The following PRR5L variants were observed in gnomAD, a reference collection of about 807,000 sequenced individuals.
PRR5L encodes proline-rich protein 5-like.
In PRR5L, 21 loss-of-function variants were observed where a neutral mutation model predicts 36.4. The ratio of observed to expected loss-of-function variants is 0.58; its 90% confidence interval spans 0.41 to 0.83. PRR5L has a LOEUF of 0.83. PRR5L is among the 40% of genes least tolerant of loss of function. The pLI is 0.00. For missense variants in PRR5L, 381 were observed against 473.3 expected, an observed-to-expected ratio of 0.80 and a Z score of 1.81; for synonymous variants, 188 against 197.0, an observed-to-expected ratio of 0.95 and a Z score of 0.38.
intron 1 of PRR5L, among the ~76,000 whole-genome samples, chr11:36,360,076 C>T (rs74626847): frequency 1.3e-4 from 1 of 7,692 alleles, no homozygotes; most frequent in African/African-American, 4.2e-4. Context: ...CACACACACC[C>T]ACACACACAC....
chr11:36,324,739 G>C (rs1020781002), intron 1 of PRR5L, among the ~76,000 whole-genome samples: 1 of 151,952 alleles, frequency 6.6e-6, no homozygotes, highest in Non-Finnish European at 1.5e-5. Flanking sequence ...TTTATATTTA[G>C]AATTTTAGAC....
chr11:36,376,170 G>C, intron 1 of PRR5L: 1 of 1,304,838 alleles, frequency 7.7e-7, no homozygotes. Context: ...TAAGTGCAGG[G>C]CCCCCCTCTC....
chr11:36,452,424 C>T (rs1473602500), intron 8 of PRR5L, among the ~76,000 whole-genome samples: 1 of 152,232 alleles, frequency 6.6e-6, no homozygotes, highest in African/African-American at 2.4e-5. Context: ...CAGTTTTCAC[C>T]ACCCTGCTCA....
At position 36,446,370 on chromosome 11, in the gene PRR5L, T is replaced by TG; in HGVS notation, c.518dup (p.Asp174Ter). 1 of 1,614,154 alleles carries TG rather than the reference T, an allele frequency of 6.2e-7. No homozygotes were observed. ...GACCTAGTCTTGCTGAAGGTGAAGC[T>TG]GGGTGACCTGCTGCTGCTGGCCCAG... is the stretch of plus-strand genomic sequence containing the variant. On this transcript the variant is annotated frameshift_variant, in exon 7 of 9. Transcript: ENST00000530639. LOFTEE classifies it high-confidence loss of function.
intron 1 of PRR5L, among the ~76,000 whole-genome samples, chr11:36,371,330 T>C (rs1456055014): frequency 1.3e-5 from 2 of 152,274 alleles, no homozygotes; most frequent in African/African-American, 4.8e-5. Context: ...TTAGATCAGA[T>C]GCTGAGCATA....
chr11:36,373,087 G>T (rs139986913), intron 1 of PRR5L, among the ~76,000 whole-genome samples: 17 of 151,834 alleles, frequency 1.1e-4, no homozygotes, highest in African/African-American at 3.6e-4. Flanking sequence ...CTATGGATTG[G>T]ATGCACCTGG....
chr11:36,306,575 C>G (rs1856434709), intron 1 of PRR5L, among the ~76,000 whole-genome samples: 1 of 152,156 alleles, frequency 6.6e-6, no homozygotes, highest in Non-Finnish European at 1.5e-5. Context: ...TTCGTTGTTG[C>G]TTCCAGGGGA....
At chr11:36,301,580 C>G (rs1003986102) in intron 1 of PRR5L, among the ~76,000 whole-genome samples, 27 of 152,220 alleles carry the variant, frequency 1.8e-4, no homozygotes, top group African/African-American at 6.0e-4. Flanking sequence ...GAGGACCCTT[C>G]CCAGCTGGAG....
intron 6 of PRR5L, among the ~76,000 whole-genome samples, chr11:36,443,944 C>A (rs1298219751): frequency 6.6e-6 from 1 of 152,164 alleles, no homozygotes; most frequent in Non-Finnish European, 1.5e-5. Flanking sequence ...GCTGGGAGTA[C>A]AAATGGATGC....
chr11:36,407,715 A>G (rs1857939481), intron 3 of PRR5L, among the ~76,000 whole-genome samples: 1 of 152,230 alleles, frequency 6.6e-6, no homozygotes, highest in Non-Finnish European at 1.5e-5. Flanking sequence ...TAGGGTTAGT[A>G]TGTACCTGGG....
chr11:36,376,679 T>C, intron 1 of PRR5L: 1 of 987,606 alleles, frequency 1.0e-6, no homozygotes, highest in Non-Finnish European at 1.2e-6. Context: ...CGACTCGGGG[T>C]GATTCACGCC....
intron 3 of PRR5L, among the ~76,000 whole-genome samples, chr11:36,406,629 A>G (rs115588562): frequency 0.028 from 4,314 of 152,282 alleles, 191 homozygotes; most frequent in African/African-American, 0.098. Context: ...GTTACATTCA[A>G]GTAGACACTT....
rs533762415 is a variant in PRR5L, at chr11:36,427,867, G to A, written c.295-3986G>A. Among the ~76,000 whole-genome samples, 4 of 152,310 alleles carry A rather than the reference G, an allele frequency of 2.6e-5. No individual in the cohort carries two copies. In the South Asian group the frequency reaches 8.3e-4, roughly 32 times the overall value. On this transcript the variant is annotated intron_variant, in intron 4 of 8. Coordinates refer to ENST00000530639, the MANE Select transcript of PRR5L (RefSeq NM_001160167.2). ...AACTCTACTCACCAGACTGGTGTGG[G>A]GATGCCAATCTCCCCTTCCCACTGG...
At chr11:36,400,828 G>A (rs375684015) in intron 1 of PRR5L, among the ~76,000 whole-genome samples, 169 bp from the exon 2 acceptor site, 3 of 152,142 alleles carry the variant, frequency 2.0e-5, no homozygotes, top group Admixed American at 6.5e-5. Flanking sequence ...TGTTACAACC[G>A]AAAAGAGCCC....
At chr11:36,425,829 A>C (rs973246149) in intron 4 of PRR5L, 5 of 152,008 alleles carry the variant, frequency 3.3e-5, no homozygotes, top group Admixed American at 6.5e-5. Context: ...AAAAAAAAAA[A>C]CTGGAAGTGG....
intron 1 of PRR5L, among the ~76,000 whole-genome samples, chr11:36,326,955 CTTTAA>C (rs1330998155): frequency 6.6e-6 from 1 of 152,132 alleles, no homozygotes; most frequent in Non-Finnish European, 1.5e-5. Flanking sequence ...GGTTTGAAAC[CTTTAA>C]ATCACAAGTT....
At chr11:36,376,188 C>T (rs1857255418) in intron 1 of PRR5L, 1 of 1,302,706 alleles carries the variant, frequency 7.7e-7, no homozygotes, top group African/African-American at 1.5e-5. Flanking sequence ...CTCCGCTCTC[C>T]CCAGCAGGGT....
At chr11:36,407,779 A>G (rs1420304949) in intron 3 of PRR5L, among the ~76,000 whole-genome samples, 1 of 152,210 alleles carries the variant, frequency 6.6e-6, no homozygotes, top group Non-Finnish European at 1.5e-5. Context: ...AGGAAGGTAG[A>G]TGTTTTATGT....
chr11:36,409,908 A>G (rs1024376438), intron 3 of PRR5L, among the ~76,000 whole-genome samples: 6 of 152,246 alleles, frequency 3.9e-5, no homozygotes, highest in Admixed American at 3.9e-4. Context: ...AGCCTCCCAC[A>G]TGCTTAAACC....
Sources: allele counts gnomAD v4.1 joint callset (sites outside exome capture counted in the v4.1 genomes callset), GRCh38; gene constraint gnomAD v4.1.1; transcripts MANE v1.5; gene names NCBI Gene and HGNC (gene_info 2026-07-23, HGNC 2026-07-21).